CHRNB4: variants seen among roughly 807,000 people sequenced by gnomAD.
The protein encoded by CHRNB4 is neuronal acetylcholine receptor subunit beta-4.
A neutral mutation model predicts 40.4 loss-of-function variants in CHRNB4; 23 were observed. The observed-to-expected ratio is 0.57, with a 90% CI of 0.41 to 0.81. The LOEUF (loss-of-function observed/expected upper bound fraction) is 0.81, where lower values mean the gene tolerates loss of function less well. Among genes scored for constraint, CHRNB4 ranks in the 30% least tolerant of loss-of-function variants. The pLI is 0.00. For missense variants in CHRNB4, 568 were observed against 670.6 expected (o/e 0.85, Z 1.69); for synonymous variants, 285 against 274.4 (o/e 1.04, Z -0.38).
chr15:78,635,724 G>C (rs1436343728), intron 1 of CHRNB4, 137 bp from the exon 2 acceptor site: 2 of 1,127,308 alleles, frequency 1.8e-6, no homozygotes, highest in South Asian at 1.4e-5. Flanking sequence ...TGGCAGGCCT[G>C]TCTCTCCTTG....
upstream of CHRNB4, chr15:78,661,543 C>G (rs1453260860): frequency 1.3e-5 from 7 of 539,356 alleles, no homozygotes; most frequent in Non-Finnish European, 2.2e-5. Context: ...AGGTAGATAT[C>G]CCGGCTCTTG....
At chr15:78,638,289 C>G (rs902333956) in intron 1 of CHRNB4, among the ~76,000 whole-genome samples, 14 of 152,250 alleles carry the variant, frequency 9.2e-5, no homozygotes, top group Admixed American at 2.0e-4. Flanking sequence ...ATTCAGCTGA[C>G]CCGGAGGGAC....
At chr15:78,640,909 C>T (rs2054057496) in intron 1 of CHRNB4, among the ~76,000 whole-genome samples, 170 bp downstream of exon 1, 2 of 152,350 alleles carry the variant, frequency 1.3e-5, no homozygotes, top group South Asian at 2.1e-4. Context: ...GGCCCGCCCC[C>T]GCTGCCTCAG....
intron 5 of CHRNB4, among the ~76,000 whole-genome samples, chr15:78,653,711 C>T (rs969883724): frequency 3.3e-5 from 5 of 152,180 alleles, no homozygotes; most frequent in African/African-American, 4.8e-5. Flanking sequence ...CTGAGCACAG[C>T]GAGAGTCCTA....
rs373261379 is a variant in CHRNB4 at position 78,641,093 on chromosome 15, G to A, written c.41C>T (p.Ala14Val). 37 of 1,582,024 alleles carry A rather than the reference G, an allele frequency of 2.3e-5. No individual in the cohort carries two copies. The East Asian group carries it at 3.7e-4, about 16-fold the overall frequency. ...AAAGAACTCACCGCGCCCGCAAAGG[G>A]CGACCAGGAAGAAAAGGACCAGGGA... ...APSLVLFFLV[A>V]LCGRGNCRVA... The change falls in exon 1 of 6, where the codon GCC becomes GTC. Residue 14 changes from alanine (A) to valine (V), a missense_variant. By Grantham distance (64) the Ala-to-Val change is moderately conservative (BLOSUM62 0). Transcript: ENST00000261751.
chr15:78,658,534 C>CA (rs1348915653), intron 1 of CHRNB4, among the ~76,000 whole-genome samples: 1 of 152,166 alleles, frequency 6.6e-6, no homozygotes, highest in African/African-American at 2.4e-5. Context: ...TCTTGGTCCC[C>CA]AGATCAGTGA....
chr15:78,651,763 G>T (rs2054174203), intron 6 of CHRNB4, among the ~76,000 whole-genome samples: 1 of 152,310 alleles, frequency 6.6e-6, no homozygotes, highest in Non-Finnish European at 1.5e-5. Flanking sequence ...TGAGCCCTGG[G>T]AACACAAGTG....
Position 78,624,997 on chromosome 15 carries a change from G to A in CHRNB4, c.*136C>T. On this transcript the variant is annotated 3_prime_UTR_variant, in exon 6 of 6. Coordinates refer to ENST00000261751, the MANE Select transcript of CHRNB4 (RefSeq NM_000750.5). ...GGCCCCCATCCTTGCCTGTTCCACG[G>A]CTGTGGCTGGTTTGATGGGGTTGAT... is the stretch of plus-strand genomic sequence containing the variant. The A allele has an allele frequency of 1.3e-6, 2 of 1,590,198 alleles. No homozygotes were observed.
chr15:78,626,195 C>T (rs527406184), intron 5 of CHRNB4: 2 of 152,422 alleles, frequency 1.3e-5, no homozygotes, highest in South Asian at 2.1e-4. Flanking sequence ...AACGTGCAGG[C>T]TAATCCTGTG....
chr15:78,629,232 C>G lies in CHRNB4; in HGVS notation c.1073G>C (p.Arg358Thr), dbSNP rs2053736042. 1 of 1,613,436 alleles carries G rather than the reference C, an allele frequency of 6.2e-7. No individual in the cohort carries two copies. Among genetic ancestry groups the G allele is most frequent in the Non-Finnish European group, 8.5e-7 (1 of 1,179,588 alleles). ...KRPGPDSSPA[R>T]AFPPSKSCVT... ...GCATGACTTGCTGGGCGGGAAGGCT[C>G]TGGCCGGGCTGCTGTCGGGGCCAGG... Residue 358 changes from arginine (R) to threonine (T), a missense_variant, in exon 5 of 6, where the codon AGA becomes ACA. Around this residue, in one of 4 missense-constraint regions of CHRNB4, gnomAD observed 242 missense variants for 274.9 expected, o/e 0.88. Transcript: ENST00000261751. This position sits in a 1 kb window ranked among gnomAD's most constrained non-coding sequence, Gnocchi z 6.8.
At position 78,650,639 on chromosome 15, in the gene CHRNB4, A is replaced by G. The variant is rs186634382; in HGVS notation, c.-15-1200T>C. 2.9e-4 allele frequency among the ~76,000 whole-genome samples: 44 copies of G among 152,304 alleles called. No individual in the cohort carries two copies. The East Asian group carries it at 8.3e-3, about 29-fold the overall frequency. ...TATGTGTGATTTGGAAGGCAGAAGGAAAGAGGCAGCCATTGCTGTCTGAAG... is the reference window on the plus strand; with the variant it reads ...TATGTGTGATTTGGAAGGCAGAAGGGAAGAGGCAGCCATTGCTGTCTGAAG... On this transcript the variant is annotated intron_variant and NMD_transcript_variant, in intron 6 of 11. Coordinates refer to the CHRNB4 transcript ENST00000559849.
chr15:78,661,167 C>T, upstream of CHRNB4: 2 of 621,750 alleles, frequency 3.2e-6, no homozygotes, highest in East Asian at 4.2e-5. Context: ...GCCGGTACAC[C>T]TCTTGGCCCT....
In CHRNB4 at chr15:78,641,099, A is replaced by C; in HGVS notation, c.35T>G (p.Leu12Arg). ...CTCACCGCGCCCGCAAAGGGCGACC[A>C]GGAAGAAAAGGACCAGGGAAGGCGC... Reference protein sequence around the residue: ...RRAPSLVLFFLVALCGRGNCR... With the variant: ...RRAPSLVLFFRVALCGRGNCR... Residue 12 changes from leucine (L) to arginine (R), a missense_variant, in exon 1 of 6, where the codon CTG becomes CGG. By Grantham distance (102) the Leu-to-Arg change is moderately radical. Around this residue, in one of 4 missense-constraint regions of CHRNB4, gnomAD observed 161 missense variants for 148.1 expected, o/e 1.09. Coordinates refer to ENST00000261751, the MANE Select transcript of CHRNB4 (RefSeq NM_000750.5). 1 of 1,581,194 alleles carries C rather than the reference A, an allele frequency of 6.3e-7. No individual in the cohort carries two copies. The highest frequency in any genetic ancestry group is 1.2e-5 in the South Asian group (1 of 86,634).
chr15:78,658,422 C>T (rs1291333411), intron 1 of CHRNB4: 2 of 152,106 alleles, frequency 1.3e-5, no homozygotes, highest in African/African-American at 4.8e-5. Context: ...GAAATAACTC[C>T]ATTGTCTAAG....
chr15:78,631,195 C>T lies in CHRNB4; in HGVS notation c.250-10G>A, dbSNP rs751704323. On this transcript the variant is annotated splice_polypyrimidine_tract_variant and intron_variant, in intron 3 of 5. Transcript: ENST00000261751. ...GGTAATCAGTCCATTCCTGGACAGA[C>T]AGGCAAGGCCCTGTCACTTGCAGGT... 6.2e-7 allele frequency: 1 copy of T among 1,613,862 alleles called. No homozygotes were observed. The highest frequency in any genetic ancestry group is 1.1e-5 in the South Asian group (1 of 91,088).
intron 6 of CHRNB4, among the ~76,000 whole-genome samples, chr15:78,650,196 G>C (rs981926198): frequency 1.3e-5 from 2 of 152,192 alleles, no homozygotes; most frequent in Non-Finnish European, 2.9e-5. Flanking sequence ...CGTGACTGTC[G>C]TGTGCCCTTC....
chr15:78,645,294 T>A (rs1428069501), upstream of CHRNB4, among the ~76,000 whole-genome samples: 1 of 152,140 alleles, frequency 6.6e-6, no homozygotes, highest in Non-Finnish European at 1.5e-5. Context: ...ATGCCACAAA[T>A]AAAGCTCTTG....
At chr15:78,639,613 T>C (rs1266926940) in intron 1 of CHRNB4, among the ~76,000 whole-genome samples, 1 of 152,236 alleles carries the variant, frequency 6.6e-6, no homozygotes. Context: ...TTTTTCTTTA[T>C]GTAGAGAATT....
chr15:78,631,767 C>T (rs561745344), intron 2 of CHRNB4, among the ~76,000 whole-genome samples: 1 of 152,280 alleles, frequency 6.6e-6, no homozygotes, highest in East Asian at 1.9e-4. Flanking sequence ...TGCCTTTAGT[C>T]TATTCTCTAC....
Sources: gnomAD v4.1 joint callset for allele counts (sites outside exome capture counted in the v4.1 genomes callset) on GRCh38, gnomAD v4.1.1 for gene constraint, gnomAD v4.1.1 regional missense constraint, Gnocchi (gnomAD v3.1) non-coding constraint, MANE v1.5 for transcripts, NCBI Gene and HGNC (gene_info 2026-07-23, HGNC 2026-07-21) for gene names.